Variants in ERC2 observed in about 807,000 individuals in gnomAD.
The protein encoded by ERC2 is ERC protein 2.
A neutral mutation model predicts 114.8 loss-of-function variants in ERC2; 42 were observed. That is an observed-to-expected ratio of 0.37 (90% CI 0.29 to 0.47). The LOEUF (loss-of-function observed/expected upper bound fraction) is 0.47, where lower values mean the gene tolerates loss of function less well. Ranked by LOEUF, ERC2 falls within the 20% of genes least tolerant of loss-of-function variation. The pLI, the probability that ERC2 is intolerant of heterozygous loss-of-function variation, is 0.99. For missense variants in ERC2, 939 were observed against 1,150.7 expected (o/e 0.82, Z 2.66); for synonymous variants, 454 against 425.5 (o/e 1.07, Z -0.82).
chr3:55,568,382 T>G (rs1187668307), intron 17 of ERC2, among the ~76,000 whole-genome samples: 1 of 152,144 alleles, frequency 6.6e-6, no homozygotes, highest in African/African-American at 2.4e-5. Flanking sequence ...TTAGCAGGCA[T>G]CTCAAAATTA....
chr3:56,353,588 A>G lies in ERC2; in HGVS notation c.658-57153T>C, dbSNP rs374040282. 1.3e-4 allele frequency among the ~76,000 whole-genome samples: 18 copies of G among 140,362 alleles called. No homozygotes were observed. In the East Asian group the frequency reaches 3.2e-3, roughly 25 times the overall value. The allele number at this position is 140,362 out of a possible 152,430, so 92.1% of individuals were successfully genotyped here. On this transcript the variant is annotated intron_variant, in intron 2 of 17. Coordinates refer to ENST00000288221, the MANE Select transcript of ERC2 (RefSeq NM_015576.3). ...CCAAACACCACATGTTCTCACTCAT[A>G]GGTGGGAATTGAACAATGAGAACAC...
At chr3:55,665,387 C>T (rs1003695332) in intron 17 of ERC2, among the ~76,000 whole-genome samples, 10 of 152,056 alleles carry the variant, frequency 6.6e-5, no homozygotes, top group Non-Finnish European at 1.5e-5. Context: ...AATCCTAATC[C>T]CTAGTACTTG....
At chr3:55,931,684 T>C (rs949325676) in intron 13 of ERC2, among the ~76,000 whole-genome samples, 4 of 152,000 alleles carry the variant, frequency 2.6e-5, no homozygotes, top group African/African-American at 9.7e-5. Context: ...CAAACCAGCA[T>C]GGCACATGTA....
At chr3:55,878,183 T>A (rs1344429742) in intron 14 of ERC2, among the ~76,000 whole-genome samples, 1 of 152,192 alleles carries the variant, frequency 6.6e-6, no homozygotes, top group Non-Finnish European at 1.5e-5. Flanking sequence ...ATTATGATTA[T>A]TTAGGCTGAA....
chr3:56,085,488 G>T (rs2077456426), intron 6 of ERC2, among the ~76,000 whole-genome samples: 1 of 152,156 alleles, frequency 6.6e-6, no homozygotes. Context: ...AAGATACAGG[G>T]CCTGGAAAGG....
At chr3:56,350,243 T>C (rs2058499498) in intron 2 of ERC2, among the ~76,000 whole-genome samples, 1 of 152,248 alleles carries the variant, frequency 6.6e-6, no homozygotes, top group Non-Finnish European at 1.5e-5. Context: ...GCCAACTGTT[T>C]TGTTTAGCTT....
intron 15 of ERC2, among the ~76,000 whole-genome samples, chr3:55,714,056 T>C (rs1240880263): frequency 6.6e-6 from 1 of 152,258 alleles, no homozygotes; most frequent in Non-Finnish European, 1.5e-5. Flanking sequence ...TAAAGACTTA[T>C]TTTGCAATCT....
chr3:55,816,261 A>G lies in ERC2; in HGVS notation c.2564+72128T>C, dbSNP rs1221273099. On this transcript the variant is annotated intron_variant, in intron 14 of 17. Transcript: ENST00000288221. Reference sequence around the variant, plus strand: ...TCCCTACTACATCTCCCTACTCCCAAGCCTCCATCCCTACTTGCTGCTGCA... The same window carrying G: ...TCCCTACTACATCTCCCTACTCCCAGGCCTCCATCCCTACTTGCTGCTGCA... 3.3e-5 allele frequency among the ~76,000 whole-genome samples: 5 copies of G among 152,312 alleles called. No individual in the cohort carries two copies. In the East Asian group the frequency reaches 9.7e-4, roughly 29 times the overall value.
At chr3:55,904,305 A>G (rs1444038193) in intron 13 of ERC2, among the ~76,000 whole-genome samples, 1 of 152,202 alleles carries the variant, frequency 6.6e-6, no homozygotes, top group Non-Finnish European at 1.5e-5. Flanking sequence ...CACACACACA[A>G]GTTGAAACCA....
At chr3:55,657,661 T>A (rs1456711970) in intron 17 of ERC2, 1 of 152,136 alleles carries the variant, frequency 6.6e-6, no homozygotes, top group African/African-American at 2.4e-5. Context: ...GATTTTGCCA[T>A]GTTTCCCAGG....
intron 7 of ERC2, among the ~76,000 whole-genome samples, chr3:56,059,088 AT>A (rs573470478): frequency 1.1e-3 from 100 of 90,542 alleles, no homozygotes; most frequent in African/African-American, 3.1e-3. Context: ...TCTTTTTTTT[AT>A]TTTTTTTATT....
chr3:55,691,499 C>G (rs1357965418), intron 16 of ERC2, among the ~76,000 whole-genome samples: 1 of 123,360 alleles, frequency 8.1e-6, no homozygotes, highest in Non-Finnish European at 1.6e-5. Flanking sequence ...AAACAAAACT[C>G]AAGGCTCCTT....
At chr3:55,902,276 T>C (rs1185116780) in intron 13 of ERC2, among the ~76,000 whole-genome samples, 1 of 152,132 alleles carries the variant, frequency 6.6e-6, no homozygotes, top group Non-Finnish European at 1.5e-5. Flanking sequence ...ATTTAAAACA[T>C]TTTATAGGGG....
chr3:56,010,795 T>C (rs963409623), intron 8 of ERC2, among the ~76,000 whole-genome samples: 1 of 152,182 alleles, frequency 6.6e-6, no homozygotes, highest in Non-Finnish European at 1.5e-5. Flanking sequence ...GACTTGTTAA[T>C]AAAAGTTAAT....
intron 6 of ERC2, among the ~76,000 whole-genome samples, chr3:56,097,660 C>A (rs748174758): frequency 6.6e-6 from 1 of 152,102 alleles, no homozygotes; most frequent in African/African-American, 2.4e-5. Context: ...GGGAAGTTCC[C>A]ACCGTTTTCA....
chr3:55,621,194 T>C (rs551105360), intron 17 of ERC2, among the ~76,000 whole-genome samples: 2 of 152,182 alleles, frequency 1.3e-5, no homozygotes, highest in East Asian at 3.9e-4. Flanking sequence ...GATCACCTTT[T>C]TTTTCTCCAA....
chr3:55,528,305 T>G (rs1195468302), intron 17 of ERC2, among the ~76,000 whole-genome samples: 1 of 152,214 alleles, frequency 6.6e-6, no homozygotes, highest in South Asian at 2.1e-4. Context: ...AATAACAAGA[T>G]GAAAAAGATT....
At chr3:55,781,662 A>C (rs2069059542) in intron 14 of ERC2, among the ~76,000 whole-genome samples, 1 of 151,926 alleles carries the variant, frequency 6.6e-6, no homozygotes, top group South Asian at 2.1e-4. Flanking sequence ...ACCTGAGGTC[A>C]GGAGTTCAAG....
At chr3:56,085,029 C>T (rs1275962595) in intron 6 of ERC2, among the ~76,000 whole-genome samples, 1 of 152,154 alleles carries the variant, frequency 6.6e-6, no homozygotes, top group Non-Finnish European at 1.5e-5. Context: ...TTCCCCTCCC[C>T]AGCCTTTCAG....
Sources: gnomAD v4.1 joint callset for allele counts (sites outside exome capture counted in the v4.1 genomes callset) on GRCh38, gnomAD v4.1.1 for gene constraint, MANE v1.5 for transcripts, NCBI Gene and HGNC (gene_info 2026-07-23, HGNC 2026-07-21) for gene names.